The following PARD3B variants were observed in gnomAD, a reference collection of about 807,000 sequenced individuals.
PARD3B encodes the protein par-3 family cell polarity regulator beta, also known as partitioning defective 3 homolog B.
In PARD3B, 103 loss-of-function variants were observed where a neutral mutation model predicts 130.2. That is an observed-to-expected ratio of 0.79 (90% CI 0.67 to 0.93). The LOEUF is 0.93. Ranked by LOEUF, PARD3B falls within the 40% of genes least tolerant of loss-of-function variation. The pLI is 0.00. For missense variants in PARD3B, 1,609 were observed against 1,499.2 expected (o/e 1.07, Z -1.21); for synonymous variants, 583 against 553.2 (o/e 1.05, Z -0.76).
chr2:204,715,289 T>C (rs747796148), intron 2 of PARD3B, among the ~76,000 whole-genome samples: 51 of 152,318 alleles, frequency 3.3e-4, no homozygotes, highest in Non-Finnish European at 6.0e-4. Context: ...TAAAGTTTAC[T>C]TCCCTGTGAT....
chr2:205,212,413 A>G (rs1386446779), intron 15 of PARD3B, among the ~76,000 whole-genome samples: 1 of 152,102 alleles, frequency 6.6e-6, no homozygotes, highest in African/African-American at 2.4e-5. Flanking sequence ...AGACTATCTC[A>G]TAGGTCTCAT....
At chr2:205,375,992 G>A (rs1283092596) in intron 18 of PARD3B, among the ~76,000 whole-genome samples, 1 of 152,082 alleles carries the variant, frequency 6.6e-6, no homozygotes, top group Non-Finnish European at 1.5e-5. Flanking sequence ...ATGGACACAG[G>A]GGTCATCTGT....
rs1553542788 is a variant in PARD3B at position 205,550,951 on chromosome 2, A to ATATATATATATATATATG, written c.3181-2372_3181-2371insATATATATATATATATGT. On this transcript the variant is annotated intron_variant, in intron 21 of 22. Coordinates refer to ENST00000406610, the MANE Select transcript of PARD3B (RefSeq NM_001302769.2). The surrounding 1 kb of genome is among the most constrained non-coding windows in gnomAD (Gnocchi z 4.5). Reference sequence around the variant, plus strand: ...TGTGTGTGTGTGTGTGTATATATATATGTGTATATATATATATATATATAT... The same window carrying ATATATATATATATATATG: ...TGTGTGTGTGTGTGTGTATATATATATATATATATATATATATGTGTGTATATATATATATATATATAT... 1.3e-5 allele frequency among the ~76,000 whole-genome samples: 1 copy of ATATATATATATATATATG among 77,588 alleles called. No homozygotes were observed. Among genetic ancestry groups the ATATATATATATATATATG allele is most frequent in the Non-Finnish European group, 2.9e-5 (1 of 34,740 alleles). The allele number at this position is 77,588 out of a possible 152,430, so 50.9% of individuals were successfully genotyped here.
intron 10 of PARD3B, among the ~76,000 whole-genome samples, chr2:205,131,956 A>G (rs1174229561): frequency 6.6e-6 from 1 of 152,140 alleles, no homozygotes; most frequent in Non-Finnish European, 1.5e-5. Context: ...TGACTCTATC[A>G]CTTATTGATT....
intron 1 of PARD3B, among the ~76,000 whole-genome samples, chr2:204,652,375 T>C (rs2035509253): frequency 6.6e-6 from 1 of 152,152 alleles, no homozygotes; most frequent in Admixed American, 6.6e-5. Flanking sequence ...TCCTCAATCA[T>C]CTCTCTCAAG....
At chr2:205,430,724 G>A (rs949170290) in intron 19 of PARD3B, among the ~76,000 whole-genome samples, 6 of 152,074 alleles carry the variant, frequency 3.9e-5, no homozygotes, top group African/African-American at 1.2e-4. Flanking sequence ...CTTGGTTTCC[G>A]CAATAACCCA....
At chr2:204,598,175 T>C (rs1482100142) in intron 1 of PARD3B, among the ~76,000 whole-genome samples, 1 of 152,192 alleles carries the variant, frequency 6.6e-6, no homozygotes, top group African/African-American at 2.4e-5. Flanking sequence ...ACGTAGATTA[T>C]TTGGACTTTA....
intron 2 of PARD3B, among the ~76,000 whole-genome samples, chr2:204,924,977 T>C (rs1687488154): frequency 6.6e-6 from 1 of 152,078 alleles, no homozygotes; most frequent in South Asian, 2.1e-4. Context: ...ACACGCAATC[T>C]GATATATATG....
At chr2:204,883,455 A>ATATATATATATTTTTTT (rs1377428928) in intron 2 of PARD3B, among the ~76,000 whole-genome samples, 49 of 77,222 alleles carry the variant, frequency 6.3e-4, no homozygotes, top group African/African-American at 2.5e-3. Context: ...ATATATATAT[A>ATATATATATATTTTTTT]TTTTTTTTTT....
chr2:204,871,849 T>C (rs2045641088), intron 2 of PARD3B, among the ~76,000 whole-genome samples: 1 of 152,154 alleles, frequency 6.6e-6, no homozygotes, highest in Non-Finnish European at 1.5e-5. Flanking sequence ...TTCATCTACT[T>C]GTGGCATTAA....
intron 15 of PARD3B, among the ~76,000 whole-genome samples, chr2:205,240,279 T>G (rs994281847): frequency 1.3e-5 from 2 of 152,216 alleles, no homozygotes; most frequent in African/African-American, 4.8e-5. Context: ...GAACAACTCT[T>G]GAAAACAAAT....
chr2:205,190,827 T>C (rs897494639), intron 14 of PARD3B, among the ~76,000 whole-genome samples: 18 of 152,130 alleles, frequency 1.2e-4, no homozygotes, highest in Non-Finnish European at 2.4e-4. Context: ...TAAAGGCAAG[T>C]GCTTCCAAAC....
At chr2:204,979,332 T>C (rs1692469390) in intron 3 of PARD3B, among the ~76,000 whole-genome samples, 1 of 152,206 alleles carries the variant, frequency 6.6e-6, no homozygotes, top group Non-Finnish European at 1.5e-5. Flanking sequence ...AACCAGCCTG[T>C]CTGTCTGCCT....
At chr2:204,786,856 G>A (rs970546668) in intron 2 of PARD3B, among the ~76,000 whole-genome samples, 3 of 151,558 alleles carry the variant, frequency 2.0e-5, no homozygotes. Context: ...CAAGCATTTC[G>A]CTCTCATTCT....
In PARD3B at chr2:205,113,509, G is replaced by A. The variant is rs1703803761; in HGVS notation, c.612G>A (p.Val204=). The A allele has an allele frequency of 1.2e-6, 2 of 1,613,142 alleles. No individual in the cohort carries two copies. Among genetic ancestry groups the A allele is most frequent in the Non-Finnish European group, 1.7e-6 (2 of 1,179,454 alleles). Residue 204 remains valine (V), a synonymous_variant, in exon 6 of 23, where the codon GTG becomes GTA. Coordinates refer to ENST00000406610, the MANE Select transcript of PARD3B (RefSeq NM_001302769.2). ...KDTLSDMTRT[V]EISGEGGPLG... is the part of the protein sequence containing the mutation. Reference sequence around the variant, plus strand: ...GCCCCAGTGATATGACAAGAACAGTGGAGATTTCTGGGGAAGGAGGCCCAT... The same window carrying A: ...GCCCCAGTGATATGACAAGAACAGTAGAGATTTCTGGGGAAGGAGGCCCAT...
chr2:204,812,286 G>A (rs1459267599), intron 2 of PARD3B, among the ~76,000 whole-genome samples: 3 of 152,080 alleles, frequency 2.0e-5, no homozygotes, highest in Non-Finnish European at 2.9e-5. Context: ...AATCCACATG[G>A]GTCTGCAGCA....
In PARD3B at chr2:204,686,255, G is replaced by A; in HGVS notation, c.195G>A (p.Leu65=). ...GAATCCTGGATCCAGATGATGTCTT[G>A]GCAGATGTTGTTGAAGATAAAGACA... ...DGGILDPDDV[L]ADVVEDKDKL... is the part of the protein sequence containing the mutation. The change falls in exon 2 of 23, where the codon TTG becomes TTA. Residue 65 remains leucine, a synonymous_variant. Transcript: ENST00000406610. 1 of 1,611,748 alleles carries A rather than the reference G, an allele frequency of 6.2e-7. No individual in the cohort carries two copies. The highest frequency in any genetic ancestry group is 8.5e-7 in the Non-Finnish European group (1 of 1,178,064).
Position 204,907,031 on chromosome 2 carries a change from A to T in PARD3B, c.223-58121A>T, listed in dbSNP as rs948545461. Among the ~76,000 whole-genome samples, 3 of 151,650 alleles carry T rather than the reference A, an allele frequency of 2.0e-5. No homozygotes were observed. Among genetic ancestry groups the T allele is most frequent in the Non-Finnish European group, 2.9e-5 (2 of 67,956 alleles). ...AGTCTTGCTCTGTCGCCCAGGCTGG[A>T]GTTCAGTGGCACGATCTCGGCTCAC... is the stretch of plus-strand genomic sequence containing the variant. On this transcript the variant is annotated intron_variant, in intron 2 of 22. Coordinates refer to ENST00000406610, the MANE Select transcript of PARD3B (RefSeq NM_001302769.2). The surrounding 1 kb of genome is among the most constrained non-coding windows in gnomAD (Gnocchi z 5.7).
intron 15 of PARD3B, among the ~76,000 whole-genome samples, chr2:205,233,538 A>G (rs2038934160): frequency 6.6e-6 from 1 of 152,172 alleles, no homozygotes. Context: ...TTTTTAAGAC[A>G]TATAAAAATA....
Sources: gnomAD v4.1 joint callset for allele counts (sites outside exome capture counted in the v4.1 genomes callset) on GRCh38, gnomAD v4.1.1 for gene constraint, Gnocchi (gnomAD v3.1) non-coding constraint, MANE v1.5 for transcripts, NCBI Gene and HGNC (gene_info 2026-07-23, HGNC 2026-07-21) for gene names.